CDYL: variants seen among roughly 807,000 people sequenced by gnomAD.
The protein encoded by CDYL is chromodomain Y like, also known as chromodomain Y-like protein.
Under a neutral mutation model 47.3 loss-of-function variants are expected in CDYL, and 8 were observed. That is an observed-to-expected ratio of 0.17 (90% CI 0.10 to 0.31). CDYL has a LOEUF of 0.31. Among genes scored for constraint, CDYL ranks in the 10% least tolerant of loss-of-function variants. CDYL has a pLI of 1.00. For synonymous variants in CDYL, 266 were observed against 265.0 expected, an observed-to-expected ratio of 1.00 and a Z score of -0.04; for missense variants, 471 against 701.4, an observed-to-expected ratio of 0.67 and a Z score of 3.71.
chr6:4,925,936 G>A lies in CDYL; in HGVS notation c.692-9579G>A, dbSNP rs372428445. 7.2e-5 allele frequency among the ~76,000 whole-genome samples: 11 copies of A among 152,220 alleles called. No homozygotes were observed. The East Asian group carries it at 7.7e-4, about 11-fold the overall frequency. The stretch of plus-strand genomic sequence containing the variant: ...GTTTTCCCCTGTACTAGAACTATGC[G>A]CTTCATGTAGATTTATAACATACAA... On this transcript the variant is annotated intron_variant, in intron 2 of 6. Transcript: ENST00000397588.
intron 1 of CDYL, among the ~76,000 whole-genome samples, chr6:4,888,521 T>A (rs1022141800): frequency 2.0e-5 from 3 of 152,224 alleles, no homozygotes; most frequent in African/African-American, 7.2e-5. Flanking sequence ...AATGTGGATG[T>A]TTATTTTTCT....
chr6:4,746,005 C>T (rs1757889811), intron 3 of CDYL, among the ~76,000 whole-genome samples: 1 of 152,196 alleles, frequency 6.6e-6, no homozygotes, highest in Non-Finnish European at 1.5e-5. Context: ...CACTCACCAG[C>T]ATGGACTTCA....
chr6:4,788,480 CAAAAAAAAAAA>C (rs1220969716), intron 1 of CDYL, among the ~76,000 whole-genome samples: 1 of 61,064 alleles, frequency 1.6e-5, no homozygotes, highest in Admixed American at 2.3e-4. Context: ...GAGACTCTGT[CAAAAAAAAAAA>C]AAAAAAAAAA....
chr6:4,789,531 G>C (rs912421933), intron 1 of CDYL, among the ~76,000 whole-genome samples: 4 of 152,126 alleles, frequency 2.6e-5, no homozygotes, highest in Admixed American at 2.6e-4. Context: ...CAGTGGGCAG[G>C]AACTCCAGTG....
intron 1 of CDYL, among the ~76,000 whole-genome samples, chr6:4,850,698 A>G (rs570588870): frequency 2.0e-5 from 3 of 152,358 alleles, no homozygotes; most frequent in South Asian, 4.1e-4. Context: ...GCATATAGTT[A>G]GATCGTGAAA....
In CDYL at chr6:4,776,766, G is replaced by A. The variant is rs1344993105; in HGVS notation, c.-18G>A. On this transcript the variant is annotated 5_prime_UTR_variant, in exon 1 of 7. Transcript: ENST00000397588. ...CGCCCCGACCCTGCCCCTCCCGCCC[G>A]CAACTCCGCCGCCCACCATGGCTTC... is the stretch of plus-strand genomic sequence containing the variant. 3.0e-5 allele frequency: 12 copies of A among 403,368 alleles called. No homozygotes were observed. Among genetic ancestry groups the A allele is most frequent in the Non-Finnish European group, 4.3e-5 (12 of 280,224 alleles). 25.0% of individuals were successfully genotyped at this position (403,368 alleles called of 1,614,324 possible). A position where few individuals can be genotyped will look rare whatever the true frequency, so the allele number is the denominator to read the frequency against.
chr6:4,910,196 A>C (rs1757369710), intron 2 of CDYL, among the ~76,000 whole-genome samples: 2 of 152,278 alleles, frequency 1.3e-5, no homozygotes, highest in South Asian at 2.1e-4. Flanking sequence ...ACCTAAGCTA[A>C]GCTGCGGGAA....
rs184589056 is a variant in CDYL at position 4,722,235 on chromosome 6, G to C, written c.103+6354G>C. Among the ~76,000 whole-genome samples, 628 of 152,160 alleles carry C rather than the reference G, an allele frequency of 4.1e-3. 8 individuals carry two copies. Among genetic ancestry groups the C allele is most frequent in the African/African-American group, 0.014 (583 of 41,508 alleles). ...AATCCCAGTACTTTGGGAGGCCAAT[G>C]GGGGGAGGAACACTTGAGGCCAGTT... On this transcript the variant is annotated intron_variant, in intron 2 of 8. Transcript: ENST00000328908.
intron 4 of CDYL, among the ~76,000 whole-genome samples, chr6:4,938,560 C>A (rs1406622780): frequency 6.6e-6 from 1 of 152,158 alleles, no homozygotes; most frequent in Non-Finnish European, 1.5e-5. Context: ...ATATGCATTA[C>A]CTCACATACT....
chr6:4,788,655 C>G (rs1382998097), intron 1 of CDYL, among the ~76,000 whole-genome samples: 1 of 151,722 alleles, frequency 6.6e-6, no homozygotes, highest in Non-Finnish European at 1.5e-5. Context: ...CCACCATATT[C>G]CTGAGCCCTC....
chr6:4,884,476 T>C (rs1761848627), intron 1 of CDYL, among the ~76,000 whole-genome samples: 2 of 152,178 alleles, frequency 1.3e-5, no homozygotes, highest in Non-Finnish European at 2.9e-5. Context: ...AGAGGGAAAT[T>C]TGACAGAAGC....
intron 1 of CDYL, among the ~76,000 whole-genome samples, chr6:4,795,184 C>G (rs1412831983): frequency 6.6e-6 from 1 of 151,378 alleles, no homozygotes; most frequent in Non-Finnish European, 1.5e-5. Flanking sequence ...AGTTTTATTA[C>G]TAGCTTGTGA....
intron 1 of CDYL, among the ~76,000 whole-genome samples, chr6:4,860,579 T>C (rs1298893594): frequency 6.8e-6 from 1 of 146,564 alleles, no homozygotes. Context: ...TTTTGTATAT[T>C]ATGTATAATA....
chr6:4,920,214 C>A (rs1757672468), intron 2 of CDYL, among the ~76,000 whole-genome samples: 1 of 152,072 alleles, frequency 6.6e-6, no homozygotes, highest in Admixed American at 6.6e-5. Flanking sequence ...TAGTTGGAGT[C>A]TGGGGAGACG....
At chr6:4,898,238 G>A (rs940343538) in intron 2 of CDYL, among the ~76,000 whole-genome samples, 30 of 151,472 alleles carry the variant, frequency 2.0e-4, no homozygotes, top group African/African-American at 5.6e-4. Context: ...AAAAAAAAAC[G>A]AAAAGGCAGC....
chr6:4,917,062 C>G (rs191301431), intron 2 of CDYL, among the ~76,000 whole-genome samples: 1 of 152,302 alleles, frequency 6.6e-6, no homozygotes, highest in African/African-American at 2.4e-5. Flanking sequence ...AAAACTGTTG[C>G]TTTTCTGTAC....
intron 1 of CDYL, among the ~76,000 whole-genome samples, chr6:4,814,722 C>G (rs997903254): frequency 1.3e-5 from 2 of 152,106 alleles, no homozygotes; most frequent in African/African-American, 4.8e-5. Context: ...GGGGTTTTAC[C>G]ATGTTGGCCA....
intron 1 of CDYL, among the ~76,000 whole-genome samples, chr6:4,787,829 A>G (rs185190203): frequency 8.6e-5 from 12 of 139,222 alleles, no homozygotes; most frequent in Non-Finnish European, 1.6e-4. Context: ...CTGGAGGGCA[A>G]TGGCACGATC....
intron 1 of CDYL, among the ~76,000 whole-genome samples, chr6:4,857,066 G>A (rs1761030652): frequency 6.6e-6 from 1 of 152,162 alleles, no homozygotes; most frequent in Non-Finnish European, 1.5e-5. Flanking sequence ...GGTCATGCGT[G>A]GTTCAGTGTT....
Sources: allele counts gnomAD v4.1 joint callset (sites outside exome capture counted in the v4.1 genomes callset), GRCh38; gene constraint gnomAD v4.1.1; transcripts MANE v1.5; gene names NCBI Gene and HGNC (gene_info 2026-07-23, HGNC 2026-07-21).